The following ABCA7 variants were observed in gnomAD, a reference collection of about 807,000 sequenced individuals.
ABCA7 encodes phospholipid-transporting ATPase ABCA7.
ABCA7 carries 261 observed loss-of-function variants against 227.6 expected under a neutral mutation model. That is an observed-to-expected ratio of 1.15 (90% CI 1.04 to 1.27). ABCA7 has a LOEUF of 1.27. Among genes scored for constraint, ABCA7 ranks in the 50% most tolerant of loss-of-function variants. ABCA7 has a pLI of 0.00. For synonymous variants in ABCA7, 1,488 were observed against 1,279.7 expected, an observed-to-expected ratio of 1.16 and a Z score of -3.47; for missense variants, 3,331 against 2,924.5, an observed-to-expected ratio of 1.14 and a Z score of -3.21.
Position 1,065,544 on chromosome 19 carries a change from A to C in ABCA7, c.*119A>C. ...CTGGTGCCCTGGAGAAAATAAAGAG[A>C]AGGCTGGAGAGAAGCCGTGGTGGTG... On this transcript the variant is annotated 3_prime_UTR_variant, in exon 47 of 47. Coordinates refer to ENST00000263094, the MANE Select transcript of ABCA7 (RefSeq NM_019112.4). The C allele has an allele frequency of 8.1e-7, 1 of 1,235,812 alleles. No individual in the cohort carries two copies. Among genetic ancestry groups the C allele is most frequent in the Non-Finnish European group, 1.1e-6 (1 of 896,864 alleles). The allele number at this position is 1,235,812 out of a possible 1,614,324, so 76.6% of individuals were successfully genotyped here.
chr19:1,064,994 C>T lies in ABCA7; in HGVS notation c.6108C>T (p.Ala2036=), dbSNP rs748150863. The part of the protein sequence containing the change: ...VPAARSQPAA[A]FVAAEFPGAE... ...CCGCAAGGTCCCAGCCGGCAGCGGC[C>T]TTCGTGGCGGCCGAGTTCCCTGGGG... Residue 2036 remains alanine (A), a synonymous_variant, in exon 46 of 47, where the codon GCC becomes GCT. Transcript: ENST00000263094. The T allele has an allele frequency of 6.4e-7, 1 of 1,556,106 alleles. No homozygotes were observed. The highest frequency in any genetic ancestry group is 1.4e-5 in the African/African-American group (1 of 73,336).
intron 40 of ABCA7, among the ~76,000 whole-genome samples, chr19:1,060,207 A>ATATATATATATATATTTTTT: frequency 1.0e-5 from 1 of 96,770 alleles, no homozygotes; most frequent in African/African-American, 3.5e-5. Flanking sequence ...ATATATATAT[A>ATATATATATATATATTTTTT]TTTTTTTTTC....
At chr19:1,044,238 C>CTTTTTTT (rs4147941) in intron 10 of ABCA7, among the ~76,000 whole-genome samples, 3 of 69,672 alleles carry the variant, frequency 4.3e-5, no homozygotes, top group East Asian at 6.8e-4. Context: ...CCACGTCCTG[C>CTTTTTTT]TTTTTTTTTT....
In ABCA7 at chr19:1,055,208, C is replaced by T; in HGVS notation, c.4062C>T (p.Arg1354=). ...AGTGTAGCCGGCCCGGTGCCCGGCG[C>T]CTGCTGCCCGACTGCCCGGCTGCAG... The part of the protein sequence containing the change: ...ACQCSRPGAR[R]LLPDCPAAAG... Residue 1354 remains arginine (R), a synonymous_variant, in exon 30 of 47, where the codon CGC becomes CGT. Coordinates refer to ENST00000263094, the MANE Select transcript of ABCA7 (RefSeq NM_019112.4). 1.2e-6 allele frequency: 2 copies of T among 1,610,394 alleles called. No homozygotes were observed. The highest frequency in any genetic ancestry group is 8.5e-7 in the Non-Finnish European group (1 of 1,178,776).
At chr19:1,048,034 AGCTGGGCGTGGTGGCAC>A (rs779650018) in intron 16 of ABCA7, among the ~76,000 whole-genome samples, 50 of 151,924 alleles carry the variant, frequency 3.3e-4, no homozygotes, top group East Asian at 1.2e-3. Flanking sequence ...ACAAAAAGTT[AGCTGGGCGTGGTGGCAC>A]GCTGGGCGTG....
intron 6 of ABCA7, 59 bp from the exon 7 acceptor site, chr19:1,042,687 G>A: frequency 6.5e-7 from 1 of 1,544,100 alleles, no homozygotes; most frequent in Non-Finnish European, 9.0e-7. Flanking sequence ...ACTGGCCAGA[G>A]CGCTGGACCC....
At position 1,054,312 on chromosome 19, in the gene ABCA7, C is replaced by G; in HGVS notation, c.3697C>G (p.Arg1233Gly). The G allele has an allele frequency of 6.2e-7, 1 of 1,601,486 alleles. No homozygotes were observed. Among genetic ancestry groups the G allele is most frequent in the Non-Finnish European group, 8.5e-7 (1 of 1,178,790 alleles). Residue 1233 changes from arginine (R) to glycine (G), a missense_variant, in exon 27 of 47, where the codon CGC (arginine) becomes GGC (glycine). Coordinates refer to ENST00000263094, the MANE Select transcript of ABCA7 (RefSeq NM_019112.4). The surrounding 1 kb of genome is among the most constrained non-coding windows in gnomAD (Gnocchi z 4.8). ...GCTTCTCAAGCGCTTTCTGCTTGCC[C>G]GCCGCAGCCGCCGCGGCCTGTTCGC... ...ALLLKRFLLA[R>G]RSRRGLFAQI... is the part of the protein sequence containing the mutation.
In ABCA7 at chr19:1,054,213, G is replaced by T; in HGVS notation, c.3598G>T (p.Asp1200Tyr). The T allele has an allele frequency of 6.2e-7, 1 of 1,608,816 alleles. No homozygotes were observed. Among genetic ancestry groups the T allele is most frequent in the South Asian group, 1.1e-5 (1 of 90,854 alleles). The part of the protein sequence containing the change: ...GEPAGSAPET[D>Y]QGSGPDAVGR... ...CACAGCTGGGTCAGCCCCAGAGACT[G>T]ACCAGGGCTCTGGGCCAGACGCCGT... The change falls in exon 27 of 47, where the codon GAC becomes TAC. Residue 1200 changes from aspartate to tyrosine, a missense_variant. Asp to Tyr is a radical substitution (Grantham distance 160). Coordinates refer to ENST00000263094, the MANE Select transcript of ABCA7 (RefSeq NM_019112.4). This position sits in a 1 kb window ranked among gnomAD's most constrained non-coding sequence, Gnocchi z 4.8.
chr19:1,050,923 C>A lies in ABCA7; in HGVS notation c.2555C>A (p.Ser852Tyr). 1 of 1,602,792 alleles carries A rather than the reference C, an allele frequency of 6.2e-7. No individual in the cohort carries two copies. The highest frequency in any genetic ancestry group is 1.1e-5 in the South Asian group (1 of 89,908). Residue 852 changes from serine (S) to tyrosine (Y), a missense_variant and splice_region_variant, in exon 19 of 47, where the codon TCC (serine) becomes TAC (tyrosine). Coordinates refer to ENST00000263094, the MANE Select transcript of ABCA7 (RefSeq NM_019112.4). The stretch of plus-strand genomic sequence containing the variant: ...CTCTGAGACCCCTCTATCCACAGGT[C>A]CATCTTGAGTGGCCTCTTCCCACCC... ...HNGAGKTTTLSILSGLFPPSG... is the reference protein window; with the variant it reads ...HNGAGKTTTLYILSGLFPPSG...
intron 20 of ABCA7, 37 bp from the exon 21 acceptor site, chr19:1,051,412 G>A: frequency 1.4e-6 from 1 of 719,524 alleles, no homozygotes; most frequent in South Asian, 2.0e-5. Flanking sequence ...CCAAGGCTGG[G>A]TGTGACACAC....
At chr19:1,060,455 C>T (rs1003184370) in intron 40 of ABCA7, among the ~76,000 whole-genome samples, 1 of 151,960 alleles carries the variant, frequency 6.6e-6, no homozygotes, top group Non-Finnish European at 1.5e-5. Context: ...AAATGATCCA[C>T]CCACCTTGGC....
At chr19:1,065,234 C>T (rs2042971888) in intron 46 of ABCA7, 36 bp from the exon 47 acceptor site, 1 of 1,608,522 alleles carries the variant, frequency 6.2e-7, no homozygotes. Flanking sequence ...GTGGGCTGAC[C>T]GTCCCTCTTG....
chr19:1,042,002 C>T (rs2040087031), intron 4 of ABCA7, 30 bp downstream of exon 4: 4 of 1,576,514 alleles, frequency 2.5e-6, no homozygotes, highest in Non-Finnish European at 3.4e-6. Flanking sequence ...TGCGGCCGGC[C>T]TGCAAACTCG....
At position 1,056,199 on chromosome 19, in the gene ABCA7, C is replaced by A. The variant is rs1259046323; in HGVS notation, c.4372C>A (p.Leu1458Ile). Reference sequence around the variant, plus strand: ...GGCCCTCGACCGTGTCCTGAAAAACCTCACAGCCTGGGCTCACAGCCTGGA... The same window carrying A: ...GGCCCTCGACCGTGTCCTGAAAAACATCACAGCCTGGGCTCACAGCCTGGA... ...GGALDRVLKN[L>I]TAWAHSLDAQ... The change falls in exon 32 of 47, where the codon CTC becomes ATC. Residue 1458 changes from leucine (L) to isoleucine (I), a missense_variant. Transcript: ENST00000263094. The surrounding 1 kb of genome is among the most constrained non-coding windows in gnomAD (Gnocchi z 4.3). The A allele has an allele frequency of 6.2e-7, 1 of 1,604,990 alleles. No individual in the cohort carries two copies.
Position 1,046,387 on chromosome 19 carries a change from C to G in ABCA7, c.1603C>G (p.Pro535Ala). Residue 535 changes from proline to alanine, a missense_variant, in exon 13 of 47, where the codon CCG (proline) becomes GCG (alanine). By Grantham distance (27) the Pro-to-Ala change is conservative. Transcript: ENST00000263094. ...AGLYLQQMPY[P>A]CYVDDVFLRV... ...CCTCTACCTGCAGCAGATGCCCTAT[C>G]CGTGCTATGTGGACGACGTGTGAGC... The G allele has an allele frequency of 6.3e-7, 1 of 1,580,026 alleles. No individual in the cohort carries two copies. The highest frequency in any genetic ancestry group is 8.6e-7 in the Non-Finnish European group (1 of 1,166,624).
chr19:1,061,778 G>C lies in ABCA7; in HGVS notation c.5464-4G>C. 6.2e-7 allele frequency: 1 copy of C among 1,612,966 alleles called. No individual in the cohort carries two copies. On this transcript the variant is annotated splice_polypyrimidine_tract_variant and splice_region_variant and intron_variant, in intron 40 of 46. Coordinates refer to ENST00000263094, the MANE Select transcript of ABCA7 (RefSeq NM_019112.4). The stretch of plus-strand genomic sequence containing the variant: ...CTGAGCACCATCTGTGGGCATCCCT[G>C]TAGTGTTTTGGGCTGCTGGGTGTGA...
chr19:1,051,150 C>A lies in ABCA7; in HGVS notation c.2685-5C>A, dbSNP rs368907015. 2 of 1,611,296 alleles carry A rather than the reference C, an allele frequency of 1.2e-6. No individual in the cohort carries two copies. Among genetic ancestry groups the A allele is most frequent in the South Asian group, 1.1e-5 (1 of 91,078 alleles). ...GGGTCACTCTGCTCTGTGCACTGGC[C>A]GCAGGCTGACCGTGGACGAGCACGT... is the stretch of plus-strand genomic sequence containing the variant. On this transcript the variant is annotated splice_polypyrimidine_tract_variant and splice_region_variant and intron_variant, in intron 19 of 46. Coordinates refer to ENST00000263094, the MANE Select transcript of ABCA7 (RefSeq NM_019112.4).
In ABCA7 at chr19:1,051,207, G is replaced by T; in HGVS notation, c.2737G>T (p.Ala913Ser). The T allele has an allele frequency of 6.2e-7, 1 of 1,611,278 alleles. No homozygotes were observed. ...WFYGRLKGLS[A>S]AVVGPEQDRL... Reference sequence around the variant, plus strand: ...CTATGGGCGGCTGAAGGGTCTGAGTGCCGCTGTAGTGGGCCCCGAGCAGGA... The same window carrying T: ...CTATGGGCGGCTGAAGGGTCTGAGTTCCGCTGTAGTGGGCCCCGAGCAGGA... Residue 913 changes from alanine (A) to serine (S), a missense_variant, in exon 20 of 47, where the codon GCC becomes TCC. Physicochemically the swap from Ala to Ser is moderately conservative, Grantham distance 99 (BLOSUM62 1). Coordinates refer to ENST00000263094, the MANE Select transcript of ABCA7 (RefSeq NM_019112.4).
intron 16 of ABCA7, among the ~76,000 whole-genome samples, chr19:1,048,516 A>C (rs1180565894): frequency 7.1e-6 from 1 of 141,728 alleles, no homozygotes; most frequent in African/African-American, 2.6e-5. Context: ...AAAACAAAAA[A>C]AAAAAAAACA....
Sources: gnomAD v4.1 joint callset for allele counts (sites outside exome capture counted in the v4.1 genomes callset) on GRCh38, gnomAD v4.1.1 for gene constraint, Gnocchi (gnomAD v3.1) non-coding constraint, MANE v1.5 for transcripts, NCBI Gene and HGNC (gene_info 2026-07-23, HGNC 2026-07-21) for gene names.